KCNMB1: variants seen among roughly 807,000 people sequenced by gnomAD.
KCNMB1 encodes calcium-activated potassium channel subunit beta-1.
Under a neutral mutation model 21.7 loss-of-function variants are expected in KCNMB1, and 22 were observed. That is an observed-to-expected ratio of 1.01 (90% CI 0.72 to 1.45). The LOEUF (loss-of-function observed/expected upper bound fraction) is 1.45. Among genes scored for constraint, KCNMB1 ranks in the 40% most tolerant of loss-of-function variants. The pLI is 0.00. For synonymous variants in KCNMB1, 114 were observed against 107.6 expected (o/e 1.06, Z -0.37); for missense variants, 243 against 243.4 (o/e 1.00, Z 0.01).
In KCNMB1 at chr5:170,385,517, G is replaced by A. The variant is rs76212844; in HGVS notation, c.-24-46C>T. On this transcript the variant is annotated intron_variant, in intron 1 of 3. Transcript: ENST00000274629. ...AGAAGTGAGATCAGCCCAGTTCACA[G>A]GTGATCCACAGAAAGAGAGGACAGG... 1.1e-3 allele frequency: 1,789 copies of A among 1,567,658 alleles called. 14 individuals are homozygous for A. In the African/African-American group the frequency reaches 0.02, roughly 17 times the overall value.
Position 170,378,428 on chromosome 5 carries a change from G to A in KCNMB1, c.*276C>T. 2 of 407,692 alleles carry A rather than the reference G, an allele frequency of 4.9e-6. No homozygotes were observed. Among genetic ancestry groups the A allele is most frequent in the South Asian group, 5.2e-5 (1 of 19,166 alleles). 25.3% of individuals were successfully genotyped at this position (407,692 alleles called of 1,614,324 possible). ...CACATAGTGATGCAGCCGGAAACAG[G>A]TATGAGTCAGTTGAGTGGGGACAGG... On this transcript the variant is annotated 3_prime_UTR_variant, in exon 4 of 4. Coordinates refer to ENST00000274629, the MANE Select transcript of KCNMB1 (RefSeq NM_004137.4).
intron 1 of KCNMB1, among the ~76,000 whole-genome samples, chr5:170,388,358 C>T (rs1284820492): frequency 5.9e-5 from 9 of 152,056 alleles, no homozygotes; most frequent in Admixed American, 1.3e-4. Context: ...GAACCTTTGG[C>T]GGGAGGAAGG....
chr5:170,381,168 G>A (rs921337036), intron 3 of KCNMB1, among the ~76,000 whole-genome samples: 1 of 152,136 alleles, frequency 6.6e-6, no homozygotes, highest in African/African-American at 2.4e-5. Flanking sequence ...GGCCTGTTTG[G>A]CAAGACACTG....
chr5:170,382,233 A>G (rs1179809263), intron 3 of KCNMB1, among the ~76,000 whole-genome samples: 2 of 152,208 alleles, frequency 1.3e-5, no homozygotes, highest in East Asian at 3.8e-4. Flanking sequence ...CCCATTGCCA[A>G]CAGCAATAAT....
rs752545904 is a variant in KCNMB1, at chr5:170,378,930, C to CG, written c.349dup (p.Arg117ProfsTer151). ...GGCTCTGACCTTCTCCACGTCGGCC[C>CG]GGGCCGTCTGGTAATTGTCCACGCT... On this transcript the variant is annotated frameshift_variant, in exon 4 of 4. Coordinates refer to ENST00000274629, the MANE Select transcript of KCNMB1 (RefSeq NM_004137.4). LOFTEE classifies it high-confidence loss of function. The CG allele has an allele frequency of 3.1e-6, 5 of 1,614,022 alleles. No homozygotes were observed. Among genetic ancestry groups the CG allele is most frequent in the Non-Finnish European group, 4.2e-6 (5 of 1,179,996 alleles).
intron 3 of KCNMB1, among the ~76,000 whole-genome samples, chr5:170,379,332 G>A (rs314158): frequency 0.13 from 19,365 of 152,090 alleles, 1,453 homozygotes; most frequent in Middle Eastern, 0.22. Context: ...CGGTTTCAAA[G>A]GATATTATGA....
At chr5:170,389,134 C>T (rs889294795) in intron 1 of KCNMB1, 125 bp downstream of exon 1, 1 of 152,312 alleles carries the variant, frequency 6.6e-6, no homozygotes, top group African/African-American at 2.4e-5. Flanking sequence ...AGGACAGCCC[C>T]GAGAGGAAGG....
Position 170,375,580 on chromosome 5 carries a change from G to T in KCNMB1, c.*3124C>A, listed in dbSNP as rs575982207. 1.6e-4 allele frequency: 16 copies of T among 97,362 alleles called. No individual in the cohort carries two copies. The highest frequency in any genetic ancestry group is 6.1e-4 in the African/African-American group (15 of 24,630). The allele number at this position is 97,362 out of a possible 1,614,324, so 6.0% of individuals were successfully genotyped here. Reference sequence around the variant, plus strand: ...CTCTGCCCCTCAGCCCTTCACAGCTGGCTCTGCCCCTCAGCCCTTCACAGC... The same window carrying T: ...CTCTGCCCCTCAGCCCTTCACAGCTTGCTCTGCCCCTCAGCCCTTCACAGC... On this transcript the variant is annotated 3_prime_UTR_variant, in exon 4 of 4. Transcript: ENST00000274629.
rs139716868 is a variant in KCNMB1 at position 170,385,417 on chromosome 5, G to A, written c.31C>T (p.Arg11Trp). Residue 11 changes from arginine to tryptophan, a missense_variant, in exon 2 of 4, where the codon CGG (arginine) becomes TGG (tryptophan). Transcript: ENST00000274629. The part of the protein sequence containing the change: MVKKLVMAQK[R>W]GETRALCLGV... ...AGGCAAAGGGCTCGTGTCTCTCCCC[G>A]CTTCTGGGCCATCACCAGCTTCTTC... The A allele has an allele frequency of 1.4e-4, 228 of 1,614,050 alleles. 1 individual carries two copies. The East Asian group carries it at 3.4e-3, about 24-fold the overall frequency.
chr5:170,378,875 G>A lies in KCNMB1; in HGVS notation c.405C>T (p.Cys135=), dbSNP rs1268093403. The stretch of plus-strand genomic sequence containing the variant: ...TTTCGTTCCCCCGAGGTGCGGAGAA[G>A]CAGTAGAAGACCTGCTGCTCTTGGA... ...AKFQEQQVFY[C]FSAPRGNETS... Residue 135 remains cysteine (C), a synonymous_variant, in exon 4 of 4, where the codon TGC becomes TGT. Coordinates refer to ENST00000274629, the MANE Select transcript of KCNMB1 (RefSeq NM_004137.4). 6.2e-7 allele frequency: 1 copy of A among 1,614,130 alleles called. No homozygotes were observed. Among genetic ancestry groups the A allele is most frequent in the East Asian group, 2.2e-5 (1 of 44,898 alleles).
intron 3 of KCNMB1, among the ~76,000 whole-genome samples, chr5:170,380,720 G>A (rs1764205249): frequency 6.6e-6 from 1 of 152,212 alleles, no homozygotes; most frequent in Non-Finnish European, 1.5e-5. Flanking sequence ...TGACGGTGAG[G>A]GGGCCTGGCC....
Position 170,385,886 on chromosome 5 carries a change from G to A in KCNMB1, c.-24-415C>T, listed in dbSNP as rs139727938. ...TGAAATCCCAGCACTTTCGGAGACCGAGGTGGGCGGATCATGAGGTCAGGA... is the reference window on the plus strand; with the variant it reads ...TGAAATCCCAGCACTTTCGGAGACCAAGGTGGGCGGATCATGAGGTCAGGA... On this transcript the variant is annotated intron_variant, in intron 1 of 3. Coordinates refer to ENST00000274629, the MANE Select transcript of KCNMB1 (RefSeq NM_004137.4). 3.3e-3 allele frequency among the ~76,000 whole-genome samples: 497 copies of A among 152,060 alleles called. 4 individuals are homozygous for A. The highest frequency in any genetic ancestry group is 0.011 in the African/African-American group (469 of 41,468).
At chr5:170,386,104 A>G (rs1348245605) in intron 1 of KCNMB1, among the ~76,000 whole-genome samples, 5 of 151,760 alleles carry the variant, frequency 3.3e-5, no homozygotes, top group Non-Finnish European at 7.4e-5. Context: ...CAGCCTGGGC[A>G]ACAAAGCAAG....
chr5:170,387,248 C>T (rs1002826620), intron 1 of KCNMB1, among the ~76,000 whole-genome samples: 14 of 151,976 alleles, frequency 9.2e-5, no homozygotes, highest in Admixed American at 8.5e-4. Context: ...TTGCCAGGTC[C>T]CTAAAGTAAT....
intron 1 of KCNMB1, among the ~76,000 whole-genome samples, chr5:170,386,001 C>A (rs1307312718): frequency 6.6e-6 from 1 of 151,288 alleles, no homozygotes; most frequent in Non-Finnish European, 1.5e-5. Context: ...TCGTGGGAGC[C>A]AGTAGTCCCA....
intron 3 of KCNMB1, 23 bp from the exon 4 acceptor site, chr5:170,378,996 C>G: frequency 6.2e-7 from 1 of 1,607,898 alleles, no homozygotes; most frequent in South Asian, 1.1e-5. Context: ...ACAAGAGCAG[C>G]TGTGGGCTTG....
In KCNMB1 at chr5:170,385,444, C is replaced by T; in HGVS notation, c.4G>A (p.Val2Met). 1 of 1,614,144 alleles carries T rather than the reference C, an allele frequency of 6.2e-7. No homozygotes were observed. Among genetic ancestry groups the T allele is most frequent in the Non-Finnish European group, 8.5e-7 (1 of 1,180,022 alleles). ...TTCTGGGCCATCACCAGCTTCTTCA[C>T]CATATTCACTGGGGGCAGTGATCAT... M[V>M]KKLVMAQKRG... Residue 2 changes from valine to methionine, a missense_variant, in exon 2 of 4, where the codon GTG becomes ATG. Coordinates refer to ENST00000274629, the MANE Select transcript of KCNMB1 (RefSeq NM_004137.4).
At position 170,376,250 on chromosome 5, in the gene KCNMB1, T is replaced by A. The variant is rs1233916143; in HGVS notation, c.*2454A>T. The A allele has an allele frequency of 7.4e-6, 1 of 134,812 alleles. No homozygotes were observed. The highest frequency in any genetic ancestry group is 2.8e-5 in the African/African-American group (1 of 36,204). The allele number at this position is 134,812 out of a possible 1,614,324, so 8.4% of individuals were successfully genotyped here. A position where few individuals can be genotyped will look rare whatever the true frequency, so the allele number is the denominator to read the frequency against. On this transcript the variant is annotated 3_prime_UTR_variant, in exon 4 of 4. Transcript: ENST00000274629. The stretch of plus-strand genomic sequence containing the variant: ...ATCTCGGCTCACTGCAAGCTCCGCC[T>A]CCCGGGTTCACGCCATTCTTCTGCC...
chr5:170,386,254 TGA>T (rs1764467966), intron 1 of KCNMB1, among the ~76,000 whole-genome samples: 3 of 151,952 alleles, frequency 2.0e-5, no homozygotes, highest in Admixed American at 2.0e-4. Flanking sequence ...ATTAAACAGA[TGA>T]GAAAGCTAAG....
Sources: gnomAD v4.1 joint callset for allele counts (sites outside exome capture counted in the v4.1 genomes callset) on GRCh38, gnomAD v4.1.1 for gene constraint, MANE v1.5 for transcripts, NCBI Gene and HGNC (gene_info 2026-07-23, HGNC 2026-07-21) for gene names.